GALNTL6: variants seen among roughly 807,000 people sequenced by gnomAD.
The protein encoded by GALNTL6 is polypeptide N-acetylgalactosaminyltransferase like 6, also known as polypeptide N-acetylgalactosaminyltransferase-like 6.
In GALNTL6, 46 loss-of-function variants were observed where a neutral mutation model predicts 73.7. The observed-to-expected ratio is 0.62, with a 90% CI of 0.49 to 0.80. The LOEUF is 0.80. GALNTL6 is among the 30% of genes least tolerant of loss of function. The probability of loss-of-function intolerance (pLI) is 0.00; values close to 1 mark genes in which losing one functional copy is unlikely to be tolerated. For synonymous variants in GALNTL6, 259 were observed against 263.7 expected, an observed-to-expected ratio of 0.98 and a Z score of 0.17; for missense variants, 604 against 755.0, an observed-to-expected ratio of 0.80 and a Z score of 2.34.
chr4:172,619,715 C>G (rs1738882138), intron 5 of GALNTL6, among the ~76,000 whole-genome samples: 1 of 152,118 alleles, frequency 6.6e-6, no homozygotes, highest in Non-Finnish European at 1.5e-5. Flanking sequence ...TTTTAAGTGT[C>G]TGGTTATTTG....
At chr4:172,072,759 A>C (rs1390492231) in intron 2 of GALNTL6, among the ~76,000 whole-genome samples, 4 of 152,188 alleles carry the variant, frequency 2.6e-5, no homozygotes, top group Non-Finnish European at 5.9e-5. Flanking sequence ...CATTTCTGTC[A>C]CTAACATCTT....
intron 5 of GALNTL6, among the ~76,000 whole-genome samples, chr4:172,560,078 A>G (rs1266770593): frequency 6.6e-6 from 1 of 152,188 alleles, no homozygotes; most frequent in African/African-American, 2.4e-5. Context: ...TTAAAATAAG[A>G]GAGTGAAGAT....
At chr4:172,460,122 G>A (rs905029053) in intron 5 of GALNTL6, among the ~76,000 whole-genome samples, 3 of 152,154 alleles carry the variant, frequency 2.0e-5, no homozygotes, top group Admixed American at 1.3e-4. Flanking sequence ...AATGGGTTAA[G>A]GATTCCCTAT....
intron 5 of GALNTL6, among the ~76,000 whole-genome samples, chr4:172,519,344 ACAGGGCT>A (rs1395808903): frequency 6.6e-6 from 1 of 151,260 alleles, no homozygotes; most frequent in Non-Finnish European, 1.5e-5. Context: ...CAAAAAAGCA[ACAGGGCT>A]CAAAACAAAG....
intron 3 of GALNTL6, among the ~76,000 whole-genome samples, chr4:172,255,903 A>G (rs1206202077): frequency 1.3e-5 from 2 of 151,506 alleles, no homozygotes; most frequent in Non-Finnish European, 3.0e-5. Flanking sequence ...GGGAGAATGA[A>G]CAATATCCAT....
chr4:172,992,240 T>A (rs1751575827), intron 10 of GALNTL6, among the ~76,000 whole-genome samples: 2 of 152,208 alleles, frequency 1.3e-5, no homozygotes, highest in South Asian at 4.1e-4. Flanking sequence ...CCACATGTCC[T>A]CAGGCCTTAC....
intron 5 of GALNTL6, among the ~76,000 whole-genome samples, chr4:172,618,256 A>T (rs1738822187): frequency 6.6e-6 from 1 of 152,134 alleles, no homozygotes; most frequent in Non-Finnish European, 1.5e-5. Flanking sequence ...GCTGAAAGCA[A>T]TCTCCTTCAT....
intron 2 of GALNTL6, among the ~76,000 whole-genome samples, chr4:171,974,061 G>A (rs1156598992): frequency 1.3e-5 from 2 of 151,850 alleles, no homozygotes; most frequent in African/African-American, 2.4e-5. Context: ...GTGCAGTGGC[G>A]AGATCTCAGC....
At chr4:172,370,709 T>A (rs1742773394) in intron 5 of GALNTL6, among the ~76,000 whole-genome samples, 1 of 150,626 alleles carries the variant, frequency 6.6e-6, no homozygotes, top group African/African-American at 2.4e-5. Flanking sequence ...CTGGGTGGCA[T>A]CTCATACTAT....
At chr4:172,037,831 C>T (rs28551553) in intron 2 of GALNTL6, among the ~76,000 whole-genome samples, 2 of 152,036 alleles carry the variant, frequency 1.3e-5, no homozygotes, top group African/African-American at 2.4e-5. Context: ...AAAAAAAATT[C>T]TAGAGACCGG....
chr4:173,002,989 A>C (rs1204014706), intron 10 of GALNTL6, among the ~76,000 whole-genome samples: 2 of 152,138 alleles, frequency 1.3e-5, no homozygotes, highest in Non-Finnish European at 2.9e-5. Flanking sequence ...GGAAGTAGGG[A>C]GTTATTGCTT....
At chr4:172,204,710 A>G (rs1047081194) in intron 2 of GALNTL6, among the ~76,000 whole-genome samples, 1 of 152,272 alleles carries the variant, frequency 6.6e-6, no homozygotes, top group Admixed American at 6.5e-5. Flanking sequence ...CCCTTTTGAG[A>G]ATAATGTTTT....
chr4:172,356,443 C>A (rs1020187758), intron 5 of GALNTL6, among the ~76,000 whole-genome samples: 2 of 151,372 alleles, frequency 1.3e-5, no homozygotes, highest in Non-Finnish European at 3.0e-5. Flanking sequence ...TAAAAAAAAT[C>A]ATTGCATCTA....
At chr4:172,096,675 A>T (rs1732367938) in intron 2 of GALNTL6, among the ~76,000 whole-genome samples, 1 of 151,968 alleles carries the variant, frequency 6.6e-6, no homozygotes, top group African/African-American at 2.4e-5. Context: ...CTGTTTATTC[A>T]TGTTAGACCA....
chr4:172,296,168 A>G (rs905143314), intron 3 of GALNTL6, among the ~76,000 whole-genome samples: 2 of 152,070 alleles, frequency 1.3e-5, no homozygotes, highest in African/African-American at 2.4e-5. Context: ...GCTTTCTGAA[A>G]ATTTTCATTA....
chr4:171,868,763 C>A (rs1301163409), intron 2 of GALNTL6, among the ~76,000 whole-genome samples: 1 of 151,952 alleles, frequency 6.6e-6, no homozygotes, highest in Non-Finnish European at 1.5e-5. Flanking sequence ...CCCACTGCAC[C>A]CTCTGCCTCC....
At chr4:172,701,020 G>A (rs955148898) in intron 5 of GALNTL6, among the ~76,000 whole-genome samples, 1 of 152,124 alleles carries the variant, frequency 6.6e-6, no homozygotes, top group African/African-American at 2.4e-5. Context: ...ATCTTTGCCT[G>A]AGAAGTAGAA....
chr4:171,879,545 T>C (rs1216908286), intron 2 of GALNTL6, among the ~76,000 whole-genome samples: 2 of 152,196 alleles, frequency 1.3e-5, no homozygotes, highest in Admixed American at 1.3e-4. Flanking sequence ...ACTCAAGTTA[T>C]TATTTTAGTA....
intron 2 of GALNTL6, among the ~76,000 whole-genome samples, chr4:172,037,219 C>G (rs1050240439): frequency 1.3e-5 from 2 of 152,220 alleles, no homozygotes; most frequent in South Asian, 4.1e-4. Flanking sequence ...AATAGTTTAT[C>G]TTCTCTGTGT....
Sources: allele counts gnomAD v4.1 joint callset (sites outside exome capture counted in the v4.1 genomes callset), GRCh38; gene constraint gnomAD v4.1.1; transcripts MANE v1.5; gene names NCBI Gene and HGNC (gene_info 2026-07-23, HGNC 2026-07-21).